ST18: variants seen among roughly 807,000 people sequenced by gnomAD.
ST18 encodes suppression of tumorigenicity 18 protein.
In ST18, 50 loss-of-function variants were observed where a neutral mutation model predicts 110.0. The observed-to-expected ratio is 0.45, with a 90% CI of 0.36 to 0.58. The LOEUF is 0.58. Among genes scored for constraint, ST18 ranks in the 20% least tolerant of loss-of-function variants. The probability of loss-of-function intolerance (pLI) is 0.00; values close to 1 mark genes in which losing one functional copy is unlikely to be tolerated. For missense variants in ST18, 1,306 were observed against 1,280.1 expected (o/e 1.02, Z -0.31); for synonymous variants, 461 against 452.4 (o/e 1.02, Z -0.24).
chr8:52,168,945 C>A (rs2063882882), intron 10 of ST18, among the ~76,000 whole-genome samples: 1 of 152,120 alleles, frequency 6.6e-6, no homozygotes, highest in African/African-American at 2.4e-5. Context: ...TATTTCGATG[C>A]CCTTCCTCTC....
chr8:52,261,952 A>G (rs903453788), intron 2 of ST18, among the ~76,000 whole-genome samples: 4 of 152,116 alleles, frequency 2.6e-5, no homozygotes, highest in Admixed American at 1.3e-4. Flanking sequence ...CAACTGTCTT[A>G]CTCAATTTTC....
intron 2 of ST18, among the ~76,000 whole-genome samples, chr8:52,293,418 T>C (rs561589342): frequency 3.3e-5 from 5 of 152,326 alleles, no homozygotes; most frequent in African/African-American, 9.6e-5. Flanking sequence ...TTAGGGAGCA[T>C]GTTCTTAGTG....
intron 10 of ST18, among the ~76,000 whole-genome samples, chr8:52,168,853 C>A (rs2063851734): frequency 6.6e-6 from 1 of 152,094 alleles, no homozygotes; most frequent in African/African-American, 2.4e-5. Flanking sequence ...GGTCCAAATT[C>A]TTAAAGTCTG....
chr8:52,337,977 C>T (rs1812922744), intron 2 of ST18, among the ~76,000 whole-genome samples: 1 of 152,228 alleles, frequency 6.6e-6, no homozygotes, highest in Admixed American at 6.5e-5. Flanking sequence ...TTAAGAATGT[C>T]AGGATGAATT....
At chr8:52,336,778 G>C (rs1812291277) in intron 2 of ST18, among the ~76,000 whole-genome samples, 1 of 152,190 alleles carries the variant, frequency 6.6e-6, no homozygotes, top group African/African-American at 2.4e-5. Flanking sequence ...AGCCATGCTT[G>C]TGTCTGTTAA....
intron 2 of ST18, among the ~76,000 whole-genome samples, chr8:52,330,105 T>C (rs920243463): frequency 2.0e-5 from 3 of 152,234 alleles, no homozygotes; most frequent in African/African-American, 7.2e-5. Context: ...AGATATTCAT[T>C]TGCCCTAGGA....
At chr8:52,185,516 C>G (rs2071723219) in intron 8 of ST18, among the ~76,000 whole-genome samples, 1 of 152,048 alleles carries the variant, frequency 6.6e-6, no homozygotes, top group African/African-American at 2.4e-5. Flanking sequence ...TGTTGAATGT[C>G]AAAACTTGTC....
At chr8:52,403,919 C>G (rs867179640) in intron 2 of ST18, 1 of 152,318 alleles carries the variant, frequency 6.6e-6, no homozygotes, top group Middle Eastern at 3.4e-3. Context: ...AGGCTTTTCC[C>G]TCCTAGCAGA....
At chr8:52,335,951 C>G (rs1811848923) in intron 2 of ST18, among the ~76,000 whole-genome samples, 1 of 152,072 alleles carries the variant, frequency 6.6e-6, no homozygotes, top group South Asian at 2.1e-4. Context: ...CAAGTTCAGC[C>G]TCTGTGGCCC....
At chr8:52,247,144 A>G (rs902176787) in intron 2 of ST18, among the ~76,000 whole-genome samples, 7 of 152,208 alleles carry the variant, frequency 4.6e-5, no homozygotes, top group Non-Finnish European at 1.0e-4. Flanking sequence ...TGAACTAAGT[A>G]TTTTAATATT....
chr8:52,357,925 A>T (rs1823916063), intron 2 of ST18, among the ~76,000 whole-genome samples: 1 of 151,152 alleles, frequency 6.6e-6, no homozygotes, highest in Non-Finnish European at 1.5e-5. Flanking sequence ...CACATAGATT[A>T]TTCTCTAACA....
chr8:52,222,423 C>A (rs1407397886), intron 3 of ST18, among the ~76,000 whole-genome samples: 3 of 152,236 alleles, frequency 2.0e-5, no homozygotes, highest in Admixed American at 2.0e-4. Context: ...CTGTCAGATG[C>A]ATCAGCCCTC....
At chr8:52,244,387 CT>C (rs1482704875) in intron 2 of ST18, among the ~76,000 whole-genome samples, 1 of 152,108 alleles carries the variant, frequency 6.6e-6, no homozygotes, top group East Asian at 1.9e-4. Context: ...CCTAATTTAC[CT>C]GTGAAAACCA....
intron 8 of ST18, among the ~76,000 whole-genome samples, chr8:52,210,580 C>G (rs545723481): frequency 5.9e-5 from 9 of 152,032 alleles, no homozygotes; most frequent in Admixed American, 2.6e-4. Flanking sequence ...ATTTCCTGAG[C>G]CCAGGAGTTT....
chr8:52,214,398 A>C, intron 6 of ST18, 141 bp from the exon 7 acceptor site: 2 of 751,470 alleles, frequency 2.7e-6, no homozygotes, highest in South Asian at 3.7e-5. Flanking sequence ...TCTATAGTAC[A>C]TAACTGTGAC....
chr8:52,133,427 G>A, intron 19 of ST18, 126 bp from the exon 20 acceptor site: 1 of 1,103,102 alleles, frequency 9.1e-7, no homozygotes, highest in Middle Eastern at 2.8e-4. Flanking sequence ...TCACGTGGAG[G>A]GAGGCGGGGT....
intron 12 of ST18, among the ~76,000 whole-genome samples, chr8:52,164,661 G>A (rs2062379243): frequency 6.6e-6 from 1 of 152,194 alleles, no homozygotes; most frequent in African/African-American, 2.4e-5. Flanking sequence ...ATGCACATAT[G>A]TATGTCTTAT....
At chr8:52,124,897 T>C (rs2046410397) in intron 23 of ST18, among the ~76,000 whole-genome samples, 1 of 152,172 alleles carries the variant, frequency 6.6e-6, no homozygotes, top group Non-Finnish European at 1.5e-5. Flanking sequence ...GTCTTCTTTT[T>C]AAAAATCACA....
chr8:52,357,128 G>A (rs897458855), intron 2 of ST18, among the ~76,000 whole-genome samples: 8 of 152,102 alleles, frequency 5.3e-5, no homozygotes, highest in Non-Finnish European at 1.0e-4. Flanking sequence ...GGGCACATGA[G>A]ATATTTTGAT....
Sources: gnomAD v4.1 joint callset for allele counts (sites outside exome capture counted in the v4.1 genomes callset) on GRCh38, gnomAD v4.1.1 for gene constraint, MANE v1.5 for transcripts, NCBI Gene and HGNC (gene_info 2026-07-23, HGNC 2026-07-21) for gene names.